TRIM23: variants seen among roughly 807,000 people sequenced by gnomAD.
The protein encoded by TRIM23 is E3 ubiquitin-protein ligase TRIM23.
A neutral mutation model predicts 71.0 loss-of-function variants in TRIM23; 27 were observed. The ratio of observed to expected loss-of-function variants is 0.38; its 90% CI spans 0.28 to 0.52. The LOEUF (loss-of-function observed/expected upper bound fraction) is 0.52. Among genes scored for constraint, TRIM23 ranks in the 20% least tolerant of loss-of-function variants. TRIM23 has a pLI of 0.84. For synonymous variants in TRIM23, 234 were observed against 238.0 expected, an observed-to-expected ratio of 0.98 and a Z score of 0.16; for missense variants, 482 against 692.3, an observed-to-expected ratio of 0.70 and a Z score of 3.41.
chr5:65,597,235 T>TTTAG (rs1325216541), intron 7 of TRIM23, 55 bp from the exon 8 acceptor site: 1 of 1,546,710 alleles, frequency 6.5e-7, no homozygotes, highest in African/African-American at 1.4e-5. Context: ...AGTAATAGCA[T>TTTAG]TTAGCACCTT....
intron 1 of TRIM23, 99 bp downstream of exon 1, chr5:65,624,095 C>T: frequency 7.0e-7 from 1 of 1,432,050 alleles, no homozygotes; most frequent in South Asian, 1.2e-5. Context: ...GGCCGCGCAT[C>T]CCACCTATCG....
At position 65,591,673 on chromosome 5, in the gene TRIM23, T is replaced by C; in HGVS notation, c.*96A>G. On this transcript the variant is annotated 3_prime_UTR_variant, in exon 11 of 11. Coordinates refer to ENST00000231524, the MANE Select transcript of TRIM23 (RefSeq NM_001656.4). Reference sequence around the variant, plus strand: ...TATATATATATATATATATGCATCCTAAATTACCATCTTTTGAGATGTATA... The same window carrying C: ...TATATATATATATATATATGCATCCCAAATTACCATCTTTTGAGATGTATA... The C allele has an allele frequency of 1.2e-6, 1 of 864,250 alleles. No homozygotes were observed. The highest frequency in any genetic ancestry group is 1.5e-6 in the Non-Finnish European group (1 of 650,442). The allele number at this position is 864,250 out of a possible 1,614,324, so 53.5% of individuals were successfully genotyped here.
intron 1 of TRIM23, 47 bp from the exon 2 acceptor site, chr5:65,618,302 C>A: frequency 6.5e-7 from 1 of 1,535,462 alleles, no homozygotes; most frequent in South Asian, 1.3e-5. Context: ...ATTTTAAAAG[C>A]ATACATATTT....
intron 6 of TRIM23, among the ~76,000 whole-genome samples, chr5:65,608,944 GA>G (rs199943300): frequency 6.1e-4 from 70 of 114,952 alleles, no homozygotes; most frequent in South Asian, 9.0e-4. Flanking sequence ...ACTCCAAGCA[GA>G]AAAAAAAAAA....
chr5:65,621,238 G>A (rs1754934429), intron 1 of TRIM23, among the ~76,000 whole-genome samples: 1 of 152,118 alleles, frequency 6.6e-6, no homozygotes, highest in South Asian at 2.1e-4. Context: ...TGTAGTCCCA[G>A]CTACTCGGGA....
rs568675121 is a variant in TRIM23, at chr5:65,614,619, C to T, written c.245-400G>A. ...GTGTGGCGTCAGGCGCCCATAATCCCAGCCACTCAGGAGGCTGAGGGACGA... is the reference window on the plus strand; with the variant it reads ...GTGTGGCGTCAGGCGCCCATAATCCTAGCCACTCAGGAGGCTGAGGGACGA... On this transcript the variant is annotated intron_variant, in intron 2 of 10. Transcript: ENST00000231524. 4.0e-5 allele frequency among the ~76,000 whole-genome samples: 6 copies of T among 151,872 alleles called. No homozygotes were observed. The South Asian group carries it at 1.0e-3, about 26-fold the overall frequency.
At chr5:65,617,324 G>C (rs938377101) in intron 2 of TRIM23, among the ~76,000 whole-genome samples, 7 of 151,928 alleles carry the variant, frequency 4.6e-5, no homozygotes, top group African/African-American at 1.7e-4. Flanking sequence ...TTTTTTGGTG[G>C]ATAAATTATT....
At chr5:65,607,513 T>C (rs1754540551) in intron 6 of TRIM23, among the ~76,000 whole-genome samples, 2 of 152,154 alleles carry the variant, frequency 1.3e-5, no homozygotes, top group African/African-American at 4.8e-5. Flanking sequence ...AGGTGCTTGC[T>C]TCCCCTTCGC....
intron 2 of TRIM23, among the ~76,000 whole-genome samples, chr5:65,616,633 C>T (rs1172377290): frequency 8.6e-6 from 1 of 115,616 alleles, no homozygotes; most frequent in Non-Finnish European, 1.8e-5. Context: ...CGGAGTAACA[C>T]TCTGCTTTAA....
intron 6 of TRIM23, among the ~76,000 whole-genome samples, chr5:65,607,342 C>G (rs1329247749): frequency 1.3e-5 from 2 of 152,112 alleles, no homozygotes. Context: ...AATCTCATCT[C>G]GAATTGTAAT....
At position 65,600,721 on chromosome 5, in the gene TRIM23, T is replaced by C. The variant is rs146842072; in HGVS notation, c.1180-3541A>G. On this transcript the variant is annotated intron_variant, in intron 7 of 10. Coordinates refer to ENST00000231524, the MANE Select transcript of TRIM23 (RefSeq NM_001656.4). Reference sequence around the variant, plus strand: ...CAGAGTGAAAAATTGACCTATGAAATGGGAGAAAATATTTGAAAGTCACAG... The same window carrying C: ...CAGAGTGAAAAATTGACCTATGAAACGGGAGAAAATATTTGAAAGTCACAG... Among the ~76,000 whole-genome samples the C allele has an allele frequency of 2.7e-3, 402 of 150,398 alleles. 2 individuals are homozygous for C. The highest frequency in any genetic ancestry group is 9.2e-3 in the African/African-American group (376 of 40,844).
At chr5:65,616,475 C>G (rs1754781079) in intron 2 of TRIM23, among the ~76,000 whole-genome samples, 1 of 151,600 alleles carries the variant, frequency 6.6e-6, no homozygotes, top group Non-Finnish European at 1.5e-5. Flanking sequence ...AACCCCATCT[C>G]TACTAAAAAT....
In TRIM23 at chr5:65,610,878, T is replaced by C; in HGVS notation, c.811A>G (p.Met271Val). The C allele has an allele frequency of 6.2e-7, 1 of 1,609,326 alleles. No homozygotes were observed. ...GEQIVEDGIG[M>V]AHTEHVPGTA... ...ATCCATACATGTTCTGTGTGAGCCA[T>C]TCCAATTCCATCTTCCACGATTTGT... Residue 271 changes from methionine to valine, a missense_variant, in exon 5 of 11, where the codon ATG (methionine) becomes GTG (valine). Around this residue, in one of 2 missense-constraint regions of TRIM23, gnomAD observed 307 missense variants for 495.8 expected, o/e 0.62. Transcript: ENST00000231524.
chr5:65,612,664 C>A (rs1754684561), intron 3 of TRIM23, among the ~76,000 whole-genome samples: 1 of 151,946 alleles, frequency 6.6e-6, no homozygotes, highest in Non-Finnish European at 1.5e-5. Context: ...ACTAAACATC[C>A]AAAAATTAGT....
chr5:65,621,507 T>C (rs572679044), intron 1 of TRIM23, among the ~76,000 whole-genome samples: 13 of 152,366 alleles, frequency 8.5e-5, no homozygotes, highest in Non-Finnish European at 1.5e-4. Context: ...ATCCCATCAC[T>C]ATACAAAGAT....
chr5:65,592,534 G>A (rs978491752), intron 10 of TRIM23, among the ~76,000 whole-genome samples: 5 of 151,670 alleles, frequency 3.3e-5, no homozygotes, highest in Non-Finnish European at 5.9e-5. Flanking sequence ...GCCTGCCTAA[G>A]TGTAAGGCAT....
chr5:65,612,164 C>T (rs1190417932), intron 3 of TRIM23, among the ~76,000 whole-genome samples: 3 of 152,130 alleles, frequency 2.0e-5, no homozygotes, highest in Non-Finnish European at 4.4e-5. Flanking sequence ...AGATCTCTTC[C>T]ACCAAATCCC....
chr5:65,618,314 A>C (rs1754826468), intron 1 of TRIM23, 59 bp from the exon 2 acceptor site: 1 of 1,476,548 alleles, frequency 6.8e-7, no homozygotes, highest in African/African-American at 1.4e-5. Context: ...TACATATTTT[A>C]GGTATATAAG....
intron 8 of TRIM23, 61 bp from the exon 9 acceptor site, chr5:65,596,592 AAC>A (rs542821279): frequency 4.2e-6 from 4 of 962,512 alleles, no homozygotes; most frequent in South Asian, 1.4e-5. Context: ...TGACATATCA[AAC>A]ACAGACAACC....
Sources: allele counts gnomAD v4.1 joint callset (sites outside exome capture counted in the v4.1 genomes callset), GRCh38; gene constraint gnomAD v4.1.1; regional missense constraint gnomAD v4.1.1; transcripts MANE v1.5; gene names NCBI Gene and HGNC (gene_info 2026-07-23, HGNC 2026-07-21).